The following NELL1 variants were observed in gnomAD, a reference collection of about 807,000 sequenced individuals.
The protein encoded by NELL1 is neural EGFL like 1.
Under a neutral mutation model 107.4 loss-of-function variants are expected in NELL1, and 76 were observed. That is an observed-to-expected ratio of 0.71 (90% CI 0.59 to 0.86). NELL1 has a LOEUF of 0.86. Ranked by LOEUF, NELL1 falls within the 40% of genes least tolerant of loss-of-function variation. The pLI, the probability that NELL1 is intolerant of heterozygous loss-of-function variation, is 0.00. For missense variants in NELL1, 1,024 were observed against 1,005.5 expected, an observed-to-expected ratio of 1.02 and a Z score of -0.25; for synonymous variants, 353 against 341.2, an observed-to-expected ratio of 1.03 and a Z score of -0.38.
chr11:20,713,311 C>G (rs1489519651), intron 2 of NELL1, among the ~76,000 whole-genome samples: 2 of 152,072 alleles, frequency 1.3e-5, no homozygotes, highest in Admixed American at 6.5e-5. Context: ...GGTCTGGGCT[C>G]AGACTCTTCT....
intron 14 of NELL1, among the ~76,000 whole-genome samples, chr11:21,313,992 G>GCCACC (rs1849809609): frequency 5.4e-5 from 3 of 55,578 alleles, no homozygotes; most frequent in Non-Finnish European, 6.6e-5. Context: ...CCTACACTCT[G>GCCACC]CCCCCCCCCC....
intron 13 of NELL1, among the ~76,000 whole-genome samples, chr11:21,165,520 C>CA (rs1481633832): frequency 6.6e-6 from 1 of 151,992 alleles, no homozygotes; most frequent in African/African-American, 2.4e-5. Flanking sequence ...GGAGGTTCCT[C>CA]AAAAAAACTA....
At chr11:20,940,700 G>A (rs1245774780) in intron 10 of NELL1, among the ~76,000 whole-genome samples, 1 of 152,158 alleles carries the variant, frequency 6.6e-6, no homozygotes, top group Non-Finnish European at 1.5e-5. Flanking sequence ...CATTCTAAAG[G>A]CTATAGAGGC....
chr11:21,439,884 C>G (rs1054269286), intron 15 of NELL1, among the ~76,000 whole-genome samples: 1 of 152,108 alleles, frequency 6.6e-6, no homozygotes, highest in African/African-American at 2.4e-5. Context: ...TATTACATTG[C>G]TTAGCTGCCT....
intron 2 of NELL1, among the ~76,000 whole-genome samples, chr11:20,749,242 A>G (rs947124294): frequency 6.6e-6 from 1 of 152,122 alleles, no homozygotes; most frequent in African/African-American, 2.4e-5. Flanking sequence ...CGGGCGAGAA[A>G]TTACTAGCAC....
intron 12 of NELL1, among the ~76,000 whole-genome samples, chr11:21,074,883 T>C (rs1462832352): frequency 6.6e-6 from 1 of 152,152 alleles, no homozygotes; most frequent in Non-Finnish European, 1.5e-5. Flanking sequence ...ATGAATGAAG[T>C]CTGTACGGAT....
chr11:21,105,292 G>A (rs189038247), intron 12 of NELL1, among the ~76,000 whole-genome samples: 27 of 152,236 alleles, frequency 1.8e-4, no homozygotes, highest in African/African-American at 5.8e-4. Context: ...CCACCAAAGT[G>A]GGAATTTCTG....
intron 13 of NELL1, among the ~76,000 whole-genome samples, chr11:21,151,018 C>T (rs1025588603): frequency 6.6e-6 from 1 of 152,116 alleles, no homozygotes; most frequent in Non-Finnish European, 1.5e-5. Flanking sequence ...TGAGAACTCA[C>T]TCACTATCAT....
At chr11:21,295,402 A>C (rs1849352606) in intron 14 of NELL1, among the ~76,000 whole-genome samples, 1 of 152,136 alleles carries the variant, frequency 6.6e-6, no homozygotes, top group Admixed American at 6.6e-5. Flanking sequence ...TGACATTTCA[A>C]GAATGGTAAA....
chr11:21,454,659 C>T (rs1395952696), intron 15 of NELL1, among the ~76,000 whole-genome samples: 2 of 152,180 alleles, frequency 1.3e-5, no homozygotes, highest in Non-Finnish European at 2.9e-5. Context: ...TTATTTGTCA[C>T]AATTCTAGAG....
intron 15 of NELL1, among the ~76,000 whole-genome samples, chr11:21,504,470 C>T (rs1855230737): frequency 6.6e-6 from 1 of 152,144 alleles, no homozygotes; most frequent in Non-Finnish European, 1.5e-5. Context: ...CCCCTCTACT[C>T]ACACAGCTTT....
At chr11:21,050,146 T>C (rs1853457388) in intron 12 of NELL1, among the ~76,000 whole-genome samples, 1 of 152,164 alleles carries the variant, frequency 6.6e-6, no homozygotes, top group South Asian at 2.1e-4. Context: ...TTGTCAGCAG[T>C]ATTATTAACT....
intron 15 of NELL1, among the ~76,000 whole-genome samples, chr11:21,458,555 CTT>C (rs1349705996): frequency 6.6e-6 from 1 of 152,010 alleles, no homozygotes; most frequent in African/African-American, 2.4e-5. Context: ...CAAAGAAAGA[CTT>C]TCAAATTATT....
Position 21,187,964 on chromosome 11 carries a change from T to C in NELL1, c.1427-41368T>C, listed in dbSNP as rs1047421659. 2.6e-5 allele frequency among the ~76,000 whole-genome samples: 4 copies of C among 151,828 alleles called. 1 individual carries two copies. The highest frequency in any genetic ancestry group is 4.4e-5 in the Non-Finnish European group (3 of 68,030). On this transcript the variant is annotated intron_variant, in intron 13 of 19. Transcript: ENST00000357134. ...ATTTCTTTTCTGTATAATAGGCAGG[T>C]AATTGATGATACCTGTTTCAAAGGG...
chr11:21,417,826 C>G (rs1852555344), intron 15 of NELL1, among the ~76,000 whole-genome samples: 2 of 152,026 alleles, frequency 1.3e-5, no homozygotes, highest in Non-Finnish European at 2.9e-5. Context: ...AGTCGCACCT[C>G]ACATCCTTTA....
At chr11:20,859,884 A>C (rs111341438) in intron 4 of NELL1, among the ~76,000 whole-genome samples, 3,695 of 152,278 alleles carry the variant, frequency 0.024, 164 homozygotes, top group African/African-American at 0.085. Flanking sequence ...ATACATAATG[A>C]CTTAACACTG....
chr11:20,697,136 A>G lies in NELL1; in HGVS notation c.184+19076A>G, dbSNP rs374812930. ...AATTAGCGATGGTGCCGGGAAAAGAATGAGTGTCTATGGGTAAGGCTGGCA... is the reference window on the plus strand; with the variant it reads ...AATTAGCGATGGTGCCGGGAAAAGAGTGAGTGTCTATGGGTAAGGCTGGCA... On this transcript the variant is annotated intron_variant, in intron 2 of 19. Transcript: ENST00000357134. Among the ~76,000 whole-genome samples, 286 of 152,298 alleles carry G rather than the reference A, an allele frequency of 1.9e-3. 4 individuals are homozygous for G. Among genetic ancestry groups the G allele is most frequent in the South Asian group, 4.3e-3 (21 of 4,828 alleles).
chr11:21,104,100 A>G (rs2133710402), intron 12 of NELL1, among the ~76,000 whole-genome samples: 1 of 152,300 alleles, frequency 6.6e-6, no homozygotes. Context: ...TGATAAGCCC[A>G]ATGGACTGAA....
intron 5 of NELL1, among the ~76,000 whole-genome samples, chr11:20,907,929 C>A (rs746119514): frequency 4.6e-5 from 7 of 152,008 alleles, no homozygotes; most frequent in African/African-American, 1.7e-4. Context: ...GACATTTACA[C>A]GGCCAAAAAA....
Sources: gnomAD v4.1 joint callset for allele counts (sites outside exome capture counted in the v4.1 genomes callset) on GRCh38, gnomAD v4.1.1 for gene constraint, MANE v1.5 for transcripts, NCBI Gene and HGNC (gene_info 2026-07-23, HGNC 2026-07-21) for gene names.